Variants in FAM13B observed in about 807,000 individuals in gnomAD.
The protein encoded by FAM13B is protein FAM13B.
FAM13B carries 60 observed loss-of-function variants against 117.3 expected under a neutral mutation model. That is an observed-to-expected ratio of 0.51 (90% CI 0.42 to 0.63). FAM13B has a LOEUF of 0.63. FAM13B is among the 30% of genes least tolerant of loss of function. FAM13B has a pLI of 0.00. For missense variants in FAM13B, 972 were observed against 1,091.9 expected, an observed-to-expected ratio of 0.89 and a Z score of 1.55; for synonymous variants, 332 against 356.1, an observed-to-expected ratio of 0.93 and a Z score of 0.76.
intron 6 of FAM13B, among the ~76,000 whole-genome samples, chr5:138,009,909 G>T (rs1561525318): frequency 6.6e-6 from 1 of 151,908 alleles, no homozygotes; most frequent in Admixed American, 6.6e-5. Context: ...TTTAAAGAAG[G>T]CTTTTAAAAC....
intron 2 of FAM13B, chr5:138,019,734 C>CAGTG (rs1786183888): frequency 6.6e-6 from 1 of 151,602 alleles, no homozygotes; most frequent in Non-Finnish European, 1.5e-5. Flanking sequence ...GGCTGCAGTG[C>CAGTG]AGTGGCATGA....
intron 10 of FAM13B, among the ~76,000 whole-genome samples, chr5:137,982,033 G>C (rs921483340): frequency 6.6e-6 from 1 of 152,144 alleles, no homozygotes; most frequent in Non-Finnish European, 1.5e-5. Flanking sequence ...CCAATATTCC[G>C]TAGTGCCTAT....
intron 10 of FAM13B, among the ~76,000 whole-genome samples, chr5:137,975,790 T>C (rs1004313849): frequency 6.6e-6 from 1 of 151,760 alleles, no homozygotes; most frequent in Non-Finnish European, 1.5e-5. Context: ...CCCAACCCCC[T>C]CTATGCAGTG....
chr5:138,006,414 T>G (rs531323317), intron 7 of FAM13B, among the ~76,000 whole-genome samples: 1 of 152,322 alleles, frequency 6.6e-6, no homozygotes, highest in African/African-American at 2.4e-5. Flanking sequence ...TGGAAATATT[T>G]ATCAAAAGCC....
chr5:137,957,692 CTG>C (rs1220317706), intron 13 of FAM13B, among the ~76,000 whole-genome samples: 2 of 152,194 alleles, frequency 1.3e-5, no homozygotes, highest in Non-Finnish European at 2.9e-5. Context: ...GCTCAGGTGT[CTG>C]TAACTGTCGG....
chr5:137,951,493 TACAA>T, intron 17 of FAM13B, among the ~76,000 whole-genome samples: 1 of 151,662 alleles, frequency 6.6e-6, no homozygotes, highest in African/African-American at 2.4e-5. Flanking sequence ...CCCAACTCTA[TACAA>T]AATTTTAAAA....
chr5:138,044,484 G>A (rs889625880), intron 1 of FAM13B, among the ~76,000 whole-genome samples: 22 of 151,554 alleles, frequency 1.5e-4, no homozygotes, highest in South Asian at 4.2e-4. Flanking sequence ...CCCAGGGGGC[G>A]GAGGTTGCAG....
At chr5:138,030,807 G>A (rs556102430) in intron 1 of FAM13B, among the ~76,000 whole-genome samples, 1 of 151,376 alleles carries the variant, frequency 6.6e-6, no homozygotes, top group Non-Finnish European at 1.5e-5. Flanking sequence ...GCAGAAGCAG[G>A]CAGATCATCT....
At chr5:138,050,338 G>A (rs1382459068) in intron 1 of FAM13B, among the ~76,000 whole-genome samples, 1 of 152,188 alleles carries the variant, frequency 6.6e-6, no homozygotes, top group Non-Finnish European at 1.5e-5. Flanking sequence ...TTGGGAGGCT[G>A]AGGCAAGAGA....
intron 4 of FAM13B, among the ~76,000 whole-genome samples, chr5:138,013,063 T>C (rs1472848732): frequency 6.6e-6 from 1 of 151,698 alleles, no homozygotes; most frequent in Non-Finnish European, 1.5e-5. Context: ...ATTAGCTGAG[T>C]GTACTGGCAC....
chr5:137,985,224 G>A (rs1776883843), intron 10 of FAM13B, 33 bp downstream of exon 10: 1 of 1,601,858 alleles, frequency 6.2e-7, no homozygotes, highest in Non-Finnish European at 8.5e-7. Flanking sequence ...AATCAAAGTT[G>A]TACATCTAAC....
chr5:138,038,069 G>A (rs1339921996), upstream of FAM13B, among the ~76,000 whole-genome samples: 1 of 152,178 alleles, frequency 6.6e-6, no homozygotes, highest in Non-Finnish European at 1.5e-5. Context: ...GAGGCCTAGA[G>A]AACAACCTGA....
chr5:138,034,787 T>C (rs1430369680), upstream of FAM13B, among the ~76,000 whole-genome samples: 1 of 152,132 alleles, frequency 6.6e-6, no homozygotes, highest in Non-Finnish European at 1.5e-5. Flanking sequence ...GATTCCATGC[T>C]TGGAGAACAG....
At chr5:137,957,323 C>A (rs748705354) in intron 13 of FAM13B, among the ~76,000 whole-genome samples, 1 of 152,098 alleles carries the variant, frequency 6.6e-6, no homozygotes, top group Non-Finnish European at 1.5e-5. Context: ...GGGCGGATCA[C>A]CCGAGGCCGG....
intron 10 of FAM13B, among the ~76,000 whole-genome samples, chr5:137,970,682 C>A (rs539938963): frequency 6.6e-6 from 1 of 152,282 alleles, no homozygotes; most frequent in South Asian, 2.1e-4. Flanking sequence ...GACAAAGGGT[C>A]AAGACCCATC....
chr5:138,039,803 A>G (rs1211399819), intron 1 of FAM13B: 3 of 152,192 alleles, frequency 2.0e-5, no homozygotes, highest in Non-Finnish European at 4.4e-5. Context: ...TGCAGTTTGC[A>G]GTTTAACTAC....
At chr5:138,017,286 T>C (rs1303514660) in intron 4 of FAM13B, among the ~76,000 whole-genome samples, 1 of 152,164 alleles carries the variant, frequency 6.6e-6, no homozygotes, top group South Asian at 2.1e-4. Flanking sequence ...TCCAACTAAC[T>C]TAGGCTCACA....
Position 137,969,979 on chromosome 5 carries a change from T to C in FAM13B, c.1180-7510A>G, listed in dbSNP as rs562574317. ...ACTATGTGAAAAGACCAAATCTACG[T>C]CTGATTGGTGTACCTGCAAGTGACG... On this transcript the variant is annotated intron_variant, in intron 10 of 23. Transcript: ENST00000689681. Among the ~76,000 whole-genome samples, 6 of 152,196 alleles carry C rather than the reference T, an allele frequency of 3.9e-5. No individual in the cohort carries two copies. In the South Asian group the frequency reaches 1.2e-3, roughly 32 times the overall value.
intron 1 of FAM13B, among the ~76,000 whole-genome samples, chr5:138,042,909 T>C (rs1275820452): frequency 6.6e-6 from 1 of 152,078 alleles, no homozygotes; most frequent in African/African-American, 2.4e-5. Flanking sequence ...CTGGCTAACA[T>C]GGTGAAACCC....
Sources: allele counts gnomAD v4.1 joint callset (sites outside exome capture counted in the v4.1 genomes callset), GRCh38; gene constraint gnomAD v4.1.1; transcripts MANE v1.5; gene names NCBI Gene and HGNC (gene_info 2026-07-23, HGNC 2026-07-21).